The following LEF1 variants were observed in gnomAD, a reference collection of about 807,000 sequenced individuals.
LEF1 encodes lymphoid enhancer binding factor 1.
In LEF1, 14 loss-of-function variants were observed where a neutral mutation model predicts 51.2. The observed-to-expected ratio is 0.27, with a 90% CI of 0.18 to 0.43. The LOEUF is 0.43. LEF1 is among the 20% of genes least tolerant of loss of function. LEF1 has a pLI of 1.00. For missense variants in LEF1, 386 were observed against 512.0 expected, an observed-to-expected ratio of 0.75 and a Z score of 2.37; for synonymous variants, 185 against 183.2, an observed-to-expected ratio of 1.01 and a Z score of -0.08.
chr4:108,132,659 C>CTT (rs749911957), intron 3 of LEF1, among the ~76,000 whole-genome samples: 671 of 47,400 alleles, frequency 0.014, 210 homozygotes, highest in Non-Finnish European at 0.02. Context: ...GAAAATCTGC[C>CTT]TTTTTTTTTT....
chr4:108,157,179 T>TACACACAC (rs59867246), intron 3 of LEF1, among the ~76,000 whole-genome samples: 6,468 of 116,620 alleles, frequency 0.055, 228 homozygotes, highest in Middle Eastern at 0.082. Flanking sequence ...TATATATATA[T>TACACACAC]ACACACACAC....
At chr4:108,062,468 G>A (rs1737759963) in intron 11 of LEF1, among the ~76,000 whole-genome samples, 1 of 152,192 alleles carries the variant, frequency 6.6e-6, no homozygotes, top group Non-Finnish European at 1.5e-5. Context: ...AGAAGGGCTA[G>A]GGTGAAAGTG....
In LEF1 at chr4:108,167,481, C is replaced by G; in HGVS notation, c.213+74G>C. The stretch of plus-strand genomic sequence containing the variant: ...CCTCAGCCGGGCGGCCGGGCGCCTT[C>G]GTTCCCTTCCTCCCTCTCTGAGTTT... On this transcript the variant is annotated intron_variant, in intron 1 of 11. Transcript: ENST00000265165. The surrounding 1 kb of genome is among the most constrained non-coding windows in gnomAD (Gnocchi z 5.7). The G allele has an allele frequency of 5.9e-6, 9 of 1,520,340 alleles. No individual in the cohort carries two copies. The highest frequency in any genetic ancestry group is 8.1e-6 in the Non-Finnish European group (9 of 1,109,196). 94.2% of individuals were successfully genotyped at this position (1,520,340 alleles called of 1,614,324 possible).
At chr4:108,100,565 A>G (rs1740753077) in intron 3 of LEF1, among the ~76,000 whole-genome samples, 2 of 152,202 alleles carry the variant, frequency 1.3e-5, no homozygotes, top group Admixed American at 1.3e-4. Context: ...TTCAAGACAG[A>G]TACTGAATGC....
chr4:108,149,814 A>G (rs939481253), intron 3 of LEF1, among the ~76,000 whole-genome samples: 2 of 152,016 alleles, frequency 1.3e-5, no homozygotes, highest in Non-Finnish European at 2.9e-5. Flanking sequence ...TATTACAGGT[A>G]TAGATACAGA....
At chr4:108,117,219 C>T (rs1237939286) in intron 3 of LEF1, among the ~76,000 whole-genome samples, 1 of 151,954 alleles carries the variant, frequency 6.6e-6, no homozygotes, top group Non-Finnish European at 1.5e-5. Context: ...CCTAATTTTT[C>T]TCCATTATAC....
At chr4:108,077,202 G>A (rs879384091) in intron 8 of LEF1, among the ~76,000 whole-genome samples, 1 of 152,002 alleles carries the variant, frequency 6.6e-6, no homozygotes, top group African/African-American at 2.4e-5. Flanking sequence ...AATTAGCCAG[G>A]CATTGGCCAC....
At chr4:108,079,939 T>G (rs1266835234) in intron 6 of LEF1, among the ~76,000 whole-genome samples, 1 of 152,238 alleles carries the variant, frequency 6.6e-6, no homozygotes, top group East Asian at 1.9e-4. Context: ...CATCATGTTT[T>G]AAAATCTCTG....
intron 4 of LEF1, 84 bp downstream of exon 4, chr4:108,089,041 G>T: frequency 6.7e-7 from 1 of 1,482,172 alleles, no homozygotes; most frequent in Non-Finnish European, 9.4e-7. Context: ...ATGGAGCACT[G>T]GCATCTGGAA....
At chr4:108,084,184 C>T (rs1192088969) in intron 4 of LEF1, among the ~76,000 whole-genome samples, 8 of 152,088 alleles carry the variant, frequency 5.3e-5, no homozygotes, top group Non-Finnish European at 1.0e-4. Flanking sequence ...AAGTGACATC[C>T]CTTTATACCT....
chr4:108,157,173 T>TAAACACACACACAC (rs1371267234), intron 3 of LEF1, among the ~76,000 whole-genome samples: 1 of 67,074 alleles, frequency 1.5e-5, no homozygotes, highest in Non-Finnish European at 3.0e-5. Flanking sequence ...TCTCTCTATA[T>TAAACACACACACAC]ATATATACAC....
At chr4:108,108,773 AAAAT>A (rs1741338991) in intron 3 of LEF1, among the ~76,000 whole-genome samples, 1 of 152,226 alleles carries the variant, frequency 6.6e-6, no homozygotes, top group South Asian at 2.1e-4. Flanking sequence ...ATTAGGATAA[AAAAT>A]AAACAGAAAA....
chr4:108,076,511 G>C (rs1738870735), intron 8 of LEF1, among the ~76,000 whole-genome samples: 1 of 152,090 alleles, frequency 6.6e-6, no homozygotes, highest in Non-Finnish European at 1.5e-5. Context: ...GAGTAGCTGA[G>C]ATTATAGGCA....
chr4:108,052,845 G>A (rs539413256), intron 11 of LEF1, among the ~76,000 whole-genome samples: 9 of 152,146 alleles, frequency 5.9e-5, no homozygotes, highest in East Asian at 3.8e-4. Context: ...TGTCCACTAC[G>A]CACTGATTTG....
At chr4:108,160,390 T>C (rs1198564556) in intron 3 of LEF1, among the ~76,000 whole-genome samples, 2 of 152,224 alleles carry the variant, frequency 1.3e-5, no homozygotes, top group African/African-American at 2.4e-5. Context: ...TTTAACAGGC[T>C]TCTGCATCTT....
chr4:108,118,263 G>T (rs6833849), intron 3 of LEF1, among the ~76,000 whole-genome samples: 78,654 of 152,036 alleles, frequency 0.52, 20,958 homozygotes, highest in Middle Eastern at 0.7. Flanking sequence ...AACTTGGAAG[G>T]TGGCAAAGAA....
chr4:108,088,319 A>G (rs1290694354), intron 4 of LEF1, among the ~76,000 whole-genome samples: 1 of 152,124 alleles, frequency 6.6e-6, no homozygotes, highest in Admixed American at 6.5e-5. Context: ...CTGCCTTCAC[A>G]TTTTTTAAAA....
rs1285371968 is a variant in LEF1 at position 108,078,073 on chromosome 4, T to C, written c.1008+147A>G. On this transcript the variant is annotated intron_variant, in intron 8 of 11. Coordinates refer to ENST00000265165, the MANE Select transcript of LEF1 (RefSeq NM_016269.5). ...AAAAAAAGAATAACAGTAAAAACAG[T>C]TATCAAAATTCTTTAAAATGCATCA... The C allele has an allele frequency of 6.4e-6, 5 of 782,044 alleles. No individual in the cohort carries two copies. The East Asian group carries it at 1.2e-4, about 19-fold the overall frequency. 48.4% of individuals were successfully genotyped at this position (782,044 alleles called of 1,614,324 possible).
At chr4:108,119,999 G>A (rs879458421) in intron 3 of LEF1, among the ~76,000 whole-genome samples, 3,467 of 17,632 alleles carry the variant, frequency 0.2, 144 homozygotes, top group African/African-American at 0.26. Flanking sequence ...ATATATGTGT[G>A]TGTGTGTGTG....
Sources: gnomAD v4.1 joint callset for allele counts (sites outside exome capture counted in the v4.1 genomes callset) on GRCh38, gnomAD v4.1.1 for gene constraint, Gnocchi (gnomAD v3.1) non-coding constraint, MANE v1.5 for transcripts, NCBI Gene and HGNC (gene_info 2026-07-23, HGNC 2026-07-21) for gene names.